CARD14: variants seen among roughly 807,000 people sequenced by gnomAD.
CARD14 encodes caspase recruitment domain family member 14.
CARD14 carries 107 observed loss-of-function variants against 111.5 expected under a neutral mutation model. The observed-to-expected ratio is 0.96, with a 90% CI of 0.82 to 1.13. The LOEUF is 1.13. Ranked by LOEUF, CARD14 falls within the 50% of genes most tolerant of loss-of-function variation. The pLI is 0.00. For synonymous variants in CARD14, 617 were observed against 579.6 expected, an observed-to-expected ratio of 1.06 and a Z score of -0.93; for missense variants, 1,322 against 1,362.3, an observed-to-expected ratio of 0.97 and a Z score of 0.47.
chr17:80,195,355 T>C lies in CARD14; in HGVS notation c.1499+22T>C. On this transcript the variant is annotated intron_variant, in intron 13 of 23. Transcript: ENST00000648509. This position sits in a 1 kb window ranked among gnomAD's most constrained non-coding sequence, Gnocchi z 4.7. The stretch of plus-strand genomic sequence containing the variant: ...TCAGGTAGAGCACTGGGGTCCTTCC[T>C]GGCACTGGGGTGGCACTGGGGTCCT... The C allele has an allele frequency of 3.1e-6, 5 of 1,597,684 alleles. No homozygotes were observed. Among genetic ancestry groups the C allele is most frequent in the Non-Finnish European group, 4.3e-6 (5 of 1,168,672 alleles).
chr17:80,193,578 C>T (rs1414340203), intron 12 of CARD14, among the ~76,000 whole-genome samples: 3 of 151,802 alleles, frequency 2.0e-5, no homozygotes, highest in South Asian at 2.1e-4. Context: ...TGCCGGGAGC[C>T]GGGAGGGAGG....
intron 21 of CARD14, 105 bp downstream of exon 21, chr17:80,205,310 A>G (rs1487471675): frequency 1.4e-5 from 13 of 909,708 alleles, no homozygotes; most frequent in Non-Finnish European, 1.7e-5. Context: ...TCCCTCCCCC[A>G]CCACGCACAT....
intron 12 of CARD14, among the ~76,000 whole-genome samples, chr17:80,194,944 A>G (rs1349385594): frequency 6.6e-6 from 1 of 152,214 alleles, no homozygotes; most frequent in Non-Finnish European, 1.5e-5. Flanking sequence ...CGTGAGAACT[A>G]AGCCAAGCAG....
intron 14 of CARD14, among the ~76,000 whole-genome samples, chr17:80,197,864 A>C (rs985374831): frequency 2.0e-5 from 3 of 152,228 alleles, no homozygotes; most frequent in African/African-American, 7.2e-5. Flanking sequence ...CAAGGTCCCA[A>C]GCATTGAGGA....
At chr17:80,192,681 T>A (rs887543716) in intron 12 of CARD14, 62 bp downstream of exon 12, 25 of 1,252,974 alleles carry the variant, frequency 2.0e-5, no homozygotes, top group Non-Finnish European at 2.8e-5. Context: ...CAGGGGCCTC[T>A]CTGTCAGGAC....
intron 16 of CARD14, chr17:80,200,969 C>T (rs996866203): frequency 1.3e-5 from 2 of 152,494 alleles, no homozygotes; most frequent in African/African-American, 2.4e-5. Context: ...CTCACTTGCC[C>T]ACCACGCCCC....
At position 80,178,591 on chromosome 17, in the gene CARD14, C is replaced by A; in HGVS notation, c.-283C>A. ...GGCACCACACTGGGCTTTGGAGACA[C>A]TGCGGGGACTGTGGACCCCACCCTG... On this transcript the variant is annotated 5_prime_UTR_variant, in exon 3 of 24. The change creates a new upstream start codon in the 5' untranslated region. Coordinates refer to ENST00000648509, the MANE Select transcript of CARD14 (RefSeq NM_001366385.1). 6.6e-6 allele frequency: 1 copy of A among 152,490 alleles called. No homozygotes were observed. Among genetic ancestry groups the A allele is most frequent in the Non-Finnish European group, 1.5e-5 (1 of 68,170 alleles). 9.4% of individuals were successfully genotyped at this position (152,490 alleles called of 1,614,324 possible). A position where few individuals can be genotyped will look rare whatever the true frequency, so the allele number is the denominator to read the frequency against.
chr17:80,177,503 C>G (rs1021963223), intron 2 of CARD14, among the ~76,000 whole-genome samples: 8 of 152,256 alleles, frequency 5.3e-5, no homozygotes, highest in South Asian at 2.1e-4. Flanking sequence ...CGAGACCAGC[C>G]TGGCCAACAT....
At chr17:80,200,508 A>G (rs1249653030) in intron 16 of CARD14, among the ~76,000 whole-genome samples, 1 of 152,040 alleles carries the variant, frequency 6.6e-6, no homozygotes, top group African/African-American at 2.4e-5. Context: ...AAGTGCTGGG[A>G]TTACAGGCAT....
intron 14 of CARD14, chr17:80,196,400 T>C (rs2040715482): frequency 6.6e-6 from 1 of 152,240 alleles, no homozygotes; most frequent in Non-Finnish European, 1.5e-5. Context: ...CCAAGGCATA[T>C]CTAAATTAGA....
At position 80,198,378 on chromosome 17, in the gene CARD14, CG is replaced by C. The variant is rs1567891247; in HGVS notation, c.1659-19del. ...CTCCTGCTCTGGGCAGTGCACAAGC[CG>C]GTCGTCTCCCGGCCTGCAGCGGCGT... On this transcript the variant is annotated intron_variant, in intron 15 of 23. Coordinates refer to ENST00000648509, the MANE Select transcript of CARD14 (RefSeq NM_001366385.1). The surrounding 1 kb of genome is among the most constrained non-coding windows in gnomAD (Gnocchi z 7.5). 2 of 1,584,138 alleles carry C rather than the reference CG, an allele frequency of 1.3e-6. No homozygotes were observed. Among genetic ancestry groups the C allele is most frequent in the Admixed American group, 3.4e-5 (2 of 58,764 alleles).
At chr17:80,176,505 T>G (rs1261400381) in intron 2 of CARD14, among the ~76,000 whole-genome samples, 5 of 149,814 alleles carry the variant, frequency 3.3e-5, no homozygotes, top group Admixed American at 6.7e-5. Context: ...CCGTTTAAGA[T>G]GCTTCTAGTG....
At chr17:80,205,304 TC>T in intron 21 of CARD14, 99 bp downstream of exon 21, 1 of 985,214 alleles carries the variant, frequency 1.0e-6, no homozygotes, top group Non-Finnish European at 1.4e-6. Flanking sequence ...CCTCCTTCCC[TC>T]CCCCACCACG....
intron 22 of CARD14, chr17:80,205,884 G>T: frequency 2.2e-6 from 1 of 456,622 alleles, no homozygotes; most frequent in Non-Finnish European, 3.9e-6. Flanking sequence ...TCCTCAGCTT[G>T]GGGGATGTTT....
At chr17:80,171,309 C>G (rs1455297991) in intron 1 of CARD14, among the ~76,000 whole-genome samples, 1 of 149,226 alleles carries the variant, frequency 6.7e-6, no homozygotes, top group Non-Finnish European at 1.5e-5. Context: ...CTTTCTCTCT[C>G]TCTCTCTTTC....
At chr17:80,190,925 G>A (rs770085425) in intron 10 of CARD14, 26 bp downstream of exon 10, 5 of 1,606,752 alleles carry the variant, frequency 3.1e-6, no homozygotes, top group South Asian at 2.2e-5. Context: ...GGCCCACCCC[G>A]CCACCCCATG....
chr17:80,195,518 G>A lies in CARD14; in HGVS notation c.1500-40G>A. On this transcript the variant is annotated intron_variant, in intron 13 of 23. Transcript: ENST00000648509. This position sits in a 1 kb window ranked among gnomAD's most constrained non-coding sequence, Gnocchi z 4.7. ...GGGGCGTGGGGACTCAGAGGGAGCA[G>A]GTGATGCAGTTTGAGCCTGCTGCTG... is the stretch of plus-strand genomic sequence containing the variant. 1 of 1,581,450 alleles carries A rather than the reference G, an allele frequency of 6.3e-7. No homozygotes were observed. The highest frequency in any genetic ancestry group is 8.6e-7 in the Non-Finnish European group (1 of 1,161,798).
intron 9 of CARD14, among the ~76,000 whole-genome samples, chr17:80,190,121 G>C (rs911153589): frequency 5.3e-5 from 8 of 152,188 alleles, no homozygotes; most frequent in Non-Finnish European, 1.2e-4. Flanking sequence ...CCAGGCCCCG[G>C]GGAGAGCCAG....
At chr17:80,173,747 C>T (rs1191439980) in intron 2 of CARD14, among the ~76,000 whole-genome samples, 1 of 151,782 alleles carries the variant, frequency 6.6e-6, no homozygotes, top group Non-Finnish European at 1.5e-5. Flanking sequence ...TACAGGCACA[C>T]ACCACCACAC....
Sources: allele counts gnomAD v4.1 joint callset (sites outside exome capture counted in the v4.1 genomes callset), GRCh38; gene constraint gnomAD v4.1.1; non-coding constraint Gnocchi (gnomAD v3.1); transcripts MANE v1.5; gene names NCBI Gene and HGNC (gene_info 2026-07-23, HGNC 2026-07-21).